MAGI1: variants seen among roughly 807,000 people sequenced by gnomAD.
MAGI1 encodes the protein membrane-associated guanylate kinase, WW and PDZ domain-containing protein 1.
In MAGI1, 58 loss-of-function variants were observed where a neutral mutation model predicts 139.9. That is an observed-to-expected ratio of 0.41 (90% confidence interval 0.34 to 0.52). The LOEUF (loss-of-function observed/expected upper bound fraction) is 0.52. Among genes scored for constraint, MAGI1 ranks in the 20% least tolerant of loss-of-function variants. The pLI is 0.12. For synonymous variants in MAGI1, 812 were observed against 737.9 expected, an observed-to-expected ratio of 1.10 and a Z score of -1.63; for missense variants, 1,874 against 1,901.6, an observed-to-expected ratio of 0.99 and a Z score of 0.27.
chr3:65,955,628 C>T (rs2064086441), intron 1 of MAGI1, among the ~76,000 whole-genome samples: 1 of 152,198 alleles, frequency 6.6e-6, no homozygotes, highest in Non-Finnish European at 1.5e-5. Flanking sequence ...ACATTTTTGC[C>T]TTTCCATCCT....
intron 1 of MAGI1, among the ~76,000 whole-genome samples, chr3:65,790,948 G>A (rs938357022): frequency 7.9e-5 from 12 of 152,020 alleles, no homozygotes; most frequent in African/African-American, 1.9e-4. Context: ...GGTGGCATGC[G>A]CCTGTAATCC....
At chr3:66,036,983 T>A (rs2068957573) in intron 1 of MAGI1, among the ~76,000 whole-genome samples, 1 of 152,176 alleles carries the variant, frequency 6.6e-6, no homozygotes, top group African/African-American at 2.4e-5. Context: ...TACAGATTTC[T>A]GAGAGAGGAA....
At chr3:65,420,562 C>G (rs535694304) in intron 12 of MAGI1, among the ~76,000 whole-genome samples, 2 of 152,292 alleles carry the variant, frequency 1.3e-5, no homozygotes, top group Middle Eastern at 3.4e-3. Context: ...GATGACGCTG[C>G]TCTATTCCCA....
chr3:65,373,589 G>A (rs80127876), intron 18 of MAGI1, among the ~76,000 whole-genome samples: 2,604 of 152,252 alleles, frequency 0.017, 27 homozygotes, highest in Middle Eastern at 0.027. Flanking sequence ...CCTGCAAAGC[G>A]CAATAAAATG....
intron 1 of MAGI1, among the ~76,000 whole-genome samples, chr3:65,698,452 A>C (rs866971997): frequency 1.4e-4 from 21 of 150,336 alleles, no homozygotes; most frequent in African/African-American, 4.4e-4. Context: ...AGCTGGAGGC[A>C]TCACACTACC....
intron 1 of MAGI1, among the ~76,000 whole-genome samples, chr3:65,945,516 T>TAC (rs925932542): frequency 1.4e-4 from 20 of 141,718 alleles, no homozygotes; most frequent in African/African-American, 4.2e-4. Context: ...CCTTGTCTAA[T>TAC]AGGTAGACAA....
At chr3:65,787,020 CACA>C (rs566048288) in intron 1 of MAGI1, among the ~76,000 whole-genome samples, 616 of 152,256 alleles carry the variant, frequency 4.0e-3, no homozygotes, top group African/African-American at 0.014. Flanking sequence ...GCCACAAGCA[CACA>C]ACATTTCATT....
intron 1 of MAGI1, among the ~76,000 whole-genome samples, chr3:65,670,378 C>T (rs2107457837): frequency 6.6e-6 from 1 of 151,308 alleles, no homozygotes; most frequent in East Asian, 1.9e-4. Context: ...AAGTGCTTGG[C>T]TTCATTATTG....
intron 16 of MAGI1, 144 bp downstream of exon 16, chr3:65,381,733 A>G (rs1015763334): frequency 1.8e-5 from 14 of 757,990 alleles, no homozygotes; most frequent in South Asian, 8.2e-5. Context: ...GTTTGAGAGA[A>G]GCAAGCCATC....
chr3:65,721,946 G>C (rs1404895899), intron 1 of MAGI1, among the ~76,000 whole-genome samples: 1 of 151,566 alleles, frequency 6.6e-6, no homozygotes, highest in Non-Finnish European at 1.5e-5. Flanking sequence ...CTGGGCTCTC[G>C]ACTATCCAGT....
At chr3:65,532,378 A>G (rs902496967) in intron 2 of MAGI1, among the ~76,000 whole-genome samples, 1 of 152,278 alleles carries the variant, frequency 6.6e-6, no homozygotes, top group African/African-American at 2.4e-5. Flanking sequence ...CTTAATCTCC[A>G]ACATTCATTC....
intron 2 of MAGI1, among the ~76,000 whole-genome samples, chr3:65,571,925 C>T (rs2080977049): frequency 6.6e-6 from 1 of 151,928 alleles, no homozygotes; most frequent in Admixed American, 6.6e-5. Context: ...TCAGTTTTGG[C>T]AAATATACCC....
intron 1 of MAGI1, among the ~76,000 whole-genome samples, chr3:66,032,928 A>C (rs28681604): frequency 0.46 from 66,047 of 144,080 alleles, 16,069 homozygotes; most frequent in East Asian, 0.57. Context: ...AAAAAAAAAA[A>C]AAAAAACAAC....
At chr3:65,632,038 C>A (rs902087106) in intron 1 of MAGI1, among the ~76,000 whole-genome samples, 3 of 143,318 alleles carry the variant, frequency 2.1e-5, no homozygotes, top group Admixed American at 7.0e-5. Flanking sequence ...AAAAAAAAAA[C>A]AGATATTTGC....
At chr3:65,389,650 G>C (rs752818141) in intron 14 of MAGI1, among the ~76,000 whole-genome samples, 4 of 152,172 alleles carry the variant, frequency 2.6e-5, no homozygotes, top group East Asian at 1.9e-4. Flanking sequence ...GACAGAACCT[G>C]GTTCCTGGTT....
intron 13 of MAGI1, among the ~76,000 whole-genome samples, chr3:65,400,710 T>A (rs1575614758): frequency 6.8e-6 from 1 of 146,952 alleles, no homozygotes; most frequent in East Asian, 2.0e-4. Context: ...AGGTAATGCA[T>A]CTTCAGGGAA....
chr3:65,973,604 C>A (rs2065113288), intron 1 of MAGI1, among the ~76,000 whole-genome samples: 1 of 152,174 alleles, frequency 6.6e-6, no homozygotes, highest in African/African-American at 2.4e-5. Context: ...CAGCTAAGAG[C>A]TTAGTTCTGC....
At chr3:65,506,716 C>T (rs916001014) in intron 2 of MAGI1, among the ~76,000 whole-genome samples, 3 of 152,212 alleles carry the variant, frequency 2.0e-5, no homozygotes, top group Admixed American at 6.5e-5. Context: ...CTCAATTGCC[C>T]TAATTCCATG....
At chr3:65,819,183 C>T (rs566775416) in intron 1 of MAGI1, among the ~76,000 whole-genome samples, 1 of 152,198 alleles carries the variant, frequency 6.6e-6, no homozygotes, top group East Asian at 1.9e-4. Flanking sequence ...ACTCAGGAGG[C>T]TGAAGCAGGA....
Sources: allele counts gnomAD v4.1 joint callset (sites outside exome capture counted in the v4.1 genomes callset), GRCh38; gene constraint gnomAD v4.1.1; transcripts MANE v1.5; gene names NCBI Gene and HGNC (gene_info 2026-07-23, HGNC 2026-07-21).